CPED1: variants seen among roughly 807,000 people sequenced by gnomAD.
The protein encoded by CPED1 is cadherin-like and PC-esterase domain-containing protein 1.
A neutral mutation model predicts 128.2 loss-of-function variants in CPED1; 114 were observed. That is an observed-to-expected ratio of 0.89 (90% CI 0.76 to 1.04). The LOEUF (loss-of-function observed/expected upper bound fraction) is 1.04, where lower values mean the gene tolerates loss of function less well. CPED1 is among the 50% of genes least tolerant of loss of function. The pLI, the probability that CPED1 is intolerant of heterozygous loss-of-function variation, is 0.00. For synonymous variants in CPED1, 462 were observed against 426.7 expected (o/e 1.08, Z -1.02); for missense variants, 1,211 against 1,207.1 (o/e 1.00, Z -0.05).
intron 12 of CPED1, among the ~76,000 whole-genome samples, chr7:121,131,016 T>C (rs1168119274): frequency 6.6e-6 from 1 of 152,070 alleles, no homozygotes; most frequent in Non-Finnish European, 1.5e-5. Flanking sequence ...CATTCGACTT[T>C]TCTACTGGCA....
At chr7:121,179,296 T>C (rs1430781483) in intron 16 of CPED1, among the ~76,000 whole-genome samples, 1 of 152,086 alleles carries the variant, frequency 6.6e-6, no homozygotes, top group East Asian at 1.9e-4. Flanking sequence ...GATATAGATA[T>C]ACTCTGTAAG....
chr7:121,093,399 C>T (rs28701651), intron 5 of CPED1, among the ~76,000 whole-genome samples: 5 of 117,680 alleles, frequency 4.2e-5, no homozygotes, highest in African/African-American at 1.0e-4. Flanking sequence ...TTTTTCTGTA[C>T]ACACACACAC....
intron 7 of CPED1, among the ~76,000 whole-genome samples, chr7:121,118,596 A>C (rs79094003): frequency 5.3e-5 from 8 of 151,614 alleles, no homozygotes; most frequent in Non-Finnish European, 1.0e-4. Flanking sequence ...GAAAAAAAAA[A>C]CCATATCTAT....
At chr7:121,259,835 T>C (rs1394914574) in intron 18 of CPED1, among the ~76,000 whole-genome samples, 5 of 151,968 alleles carry the variant, frequency 3.3e-5, no homozygotes, top group African/African-American at 1.2e-4. Context: ...AAGGCAATAT[T>C]TACAAAAAGT....
At chr7:121,141,075 A>G (rs1196986885) in intron 15 of CPED1, 62 bp downstream of exon 15, 5 of 1,362,656 alleles carry the variant, frequency 3.7e-6, no homozygotes, top group Non-Finnish European at 4.9e-6. Context: ...ATTTGATGCA[A>G]ACTTTGAAAG....
At chr7:121,236,658 A>G in intron 16 of CPED1, 56 bp from the exon 17 acceptor site, 5 of 1,072,362 alleles carry the variant, frequency 4.7e-6, no homozygotes, top group Non-Finnish European at 6.7e-6. Context: ...TTTAGATTTT[A>G]TTATTATGGG....
chr7:121,046,840 A>C (rs776745039), intron 3 of CPED1, 47 bp from the exon 4 acceptor site: 1 of 1,242,618 alleles, frequency 8.0e-7, no homozygotes, highest in South Asian at 1.4e-5. Context: ...TTGCTTTTAA[A>C]ATATCTGATG....
intron 22 of CPED1, among the ~76,000 whole-genome samples, chr7:121,287,999 A>G (rs534846863): frequency 6.6e-6 from 1 of 152,172 alleles, no homozygotes; most frequent in East Asian, 1.9e-4. Flanking sequence ...TATTCCTTGG[A>G]TTTTCAGGGT....
chr7:121,049,954 C>T (rs1016814317), intron 4 of CPED1, among the ~76,000 whole-genome samples: 8 of 152,220 alleles, frequency 5.3e-5, no homozygotes, highest in African/African-American at 1.9e-4. Flanking sequence ...ACAACAAATA[C>T]TTGTGTGGCC....
intron 14 of CPED1, among the ~76,000 whole-genome samples, chr7:121,139,370 G>A (rs1168888783): frequency 6.6e-6 from 1 of 151,596 alleles, no homozygotes; most frequent in Non-Finnish European, 1.5e-5. Flanking sequence ...GAAAACTATA[G>A]AGTATAGGTC....
chr7:121,294,056 C>A (rs1359944198), intron 22 of CPED1, among the ~76,000 whole-genome samples: 2 of 152,084 alleles, frequency 1.3e-5, no homozygotes, highest in African/African-American at 2.4e-5. Flanking sequence ...TACTTCCCAA[C>A]CTTTCCCCCA....
chr7:121,110,701 A>G lies in CPED1; in HGVS notation c.918+10607A>G, dbSNP rs150427751. ...AGGAGTCAGGAAAGGTAAGAAATTG[A>G]ATTTTTTCCCTATGGGCAAAGGGAT... On this transcript the variant is annotated intron_variant, in intron 7 of 22. Coordinates refer to ENST00000310396, the MANE Select transcript of CPED1 (RefSeq NM_024913.5). Among the ~76,000 whole-genome samples, 12 of 152,294 alleles carry G rather than the reference A, an allele frequency of 7.9e-5. No homozygotes were observed. The East Asian group carries it at 1.5e-3, about 20-fold the overall frequency.
chr7:121,109,366 T>A (rs1795052693), intron 7 of CPED1, among the ~76,000 whole-genome samples: 2 of 152,164 alleles, frequency 1.3e-5, no homozygotes, highest in Non-Finnish European at 2.9e-5. Context: ...CTTCTTTGTC[T>A]CAAAACAATT....
intron 22 of CPED1, among the ~76,000 whole-genome samples, chr7:121,293,867 C>G (rs1032470795): frequency 1.3e-5 from 2 of 152,002 alleles, no homozygotes; most frequent in Non-Finnish European, 2.9e-5. Flanking sequence ...GTGAGATGGA[C>G]CGGGTACCTC....
intron 2 of CPED1, among the ~76,000 whole-genome samples, chr7:120,990,681 G>A (rs1015410277): frequency 6.6e-6 from 1 of 152,110 alleles, no homozygotes; most frequent in Non-Finnish European, 1.5e-5. Flanking sequence ...TGGTGGCAAA[G>A]CTACTAAATT....
intron 4 of CPED1, among the ~76,000 whole-genome samples, chr7:121,058,091 G>A (rs1793549114): frequency 6.6e-6 from 1 of 152,114 alleles, no homozygotes; most frequent in South Asian, 2.1e-4. Context: ...GGAGTTCCAT[G>A]TGACTGAAGT....
intron 16 of CPED1, among the ~76,000 whole-genome samples, chr7:121,212,664 G>A (rs1797674496): frequency 6.8e-6 from 1 of 147,630 alleles, no homozygotes; most frequent in African/African-American, 2.5e-5. Context: ...TCACATAGAT[G>A]TTAAACAAAT....
intron 18 of CPED1, among the ~76,000 whole-genome samples, chr7:121,259,332 G>A (rs1791958463): frequency 6.6e-6 from 1 of 152,026 alleles, no homozygotes; most frequent in Non-Finnish European, 1.5e-5. Context: ...ACATGAACAG[G>A]AGGCTGATCT....
chr7:121,236,979 G>A, intron 17 of CPED1, 148 bp downstream of exon 17: 1 of 431,370 alleles, frequency 2.3e-6, no homozygotes, highest in Non-Finnish European at 4.1e-6. Context: ...TAATGTAAGT[G>A]CATTGTTTTA....
Sources: allele counts gnomAD v4.1 joint callset (sites outside exome capture counted in the v4.1 genomes callset), GRCh38; gene constraint gnomAD v4.1.1; transcripts MANE v1.5; gene names NCBI Gene and HGNC (gene_info 2026-07-23, HGNC 2026-07-21).